Variants in CDKL4 observed in about 807,000 individuals in gnomAD.
The protein encoded by CDKL4 is cyclin-dependent kinase-like 4.
A neutral mutation model predicts 42.0 loss-of-function variants in CDKL4; 44 were observed. The observed-to-expected ratio is 1.05, with a 90% CI of 0.82 to 1.35. The LOEUF is 1.35. Ranked by LOEUF, CDKL4 falls within the 40% of genes most tolerant of loss-of-function variation. The probability of loss-of-function intolerance (pLI) is 0.00; values close to 1 mark genes in which losing one functional copy is unlikely to be tolerated. For synonymous variants in CDKL4, 120 were observed against 121.6 expected (o/e 0.99, Z 0.09); for missense variants, 393 against 369.9 (o/e 1.06, Z -0.51).
exon 2 of CDKL4, chr2:39,229,557 TG>T (rs1678969810): frequency 3.2e-6 from 5 of 1,574,684 alleles, no homozygotes; most frequent in Non-Finnish European, 4.3e-6. Context: ...CTTAAATTAT[TG>T]TATCGATTGA....
At chr2:39,247,028 C>A (rs1679940941), upstream of CDKL4, among the ~76,000 whole-genome samples, 1 of 152,200 alleles carries the variant, frequency 6.6e-6, no homozygotes. Context: ...GAGATTTGAG[C>A]CATCACACTG....
intron 1 of CDKL4, among the ~76,000 whole-genome samples, chr2:39,233,689 T>C (rs953678059): frequency 8.0e-5 from 12 of 150,610 alleles, no homozygotes; most frequent in African/African-American, 2.9e-4. Flanking sequence ...AAAAAAGAAA[T>C]GAGAACCCAA....
chr2:39,182,431 T>C (rs760325394), intron 8 of CDKL4, among the ~76,000 whole-genome samples: 6 of 152,240 alleles, frequency 3.9e-5, no homozygotes, highest in Non-Finnish European at 8.8e-5. Context: ...GAGTCTGAGC[T>C]GGAACAATGT....
the CDKL4 span, among the ~76,000 whole-genome samples, chr2:39,169,048 C>A: frequency 6.6e-6 from 1 of 152,102 alleles, no homozygotes; most frequent in Non-Finnish European, 1.5e-5. Context: ...AGCCACTGTG[C>A]CAGGCTTGAG....
At chr2:39,182,483 G>A (rs1675494244) in intron 8 of CDKL4, among the ~76,000 whole-genome samples, 1 of 152,180 alleles carries the variant, frequency 6.6e-6, no homozygotes, top group Non-Finnish European at 1.5e-5. Context: ...GAGTAGAATT[G>A]AGGCTTCTGA....
At chr2:39,218,704 G>A (rs1034080351) in intron 3 of CDKL4, among the ~76,000 whole-genome samples, 1 of 152,128 alleles carries the variant, frequency 6.6e-6, no homozygotes, top group East Asian at 1.9e-4. Context: ...GAGCTGGGAC[G>A]TCCATCTTCT....
intron 1 of CDKL4, among the ~76,000 whole-genome samples, chr2:39,240,450 C>T (rs1679604529): frequency 6.8e-6 from 1 of 147,732 alleles, no homozygotes; most frequent in Non-Finnish European, 1.5e-5. Flanking sequence ...TAACCATAAA[C>T]AGCAATTTCA....
intron 8 of CDKL4, 116 bp downstream of exon 8, chr2:39,184,475 T>G: frequency 7.7e-6 from 5 of 645,600 alleles, no homozygotes; most frequent in Non-Finnish European, 1.3e-5. Context: ...TTTATCATTT[T>G]CAATGACTAC....
chr2:39,215,122 A>G (rs1283619429), intron 3 of CDKL4, among the ~76,000 whole-genome samples: 2 of 152,130 alleles, frequency 1.3e-5, no homozygotes, highest in Admixed American at 1.3e-4. Context: ...CTGTGCATCA[A>G]AGTCCCTGTC....
intron 5 of CDKL4, among the ~76,000 whole-genome samples, chr2:39,202,818 C>A (rs1427468142): frequency 6.6e-6 from 1 of 152,052 alleles, no homozygotes; most frequent in African/African-American, 2.4e-5. Flanking sequence ...ATAATGGGAC[C>A]CCCTCCTTTG....
intron 1 of CDKL4, 145 bp from the exon 2 acceptor site, chr2:39,229,733 GTTAGT>G (rs1314516525): frequency 4.3e-5 from 19 of 446,622 alleles, no homozygotes; most frequent in Non-Finnish European, 7.0e-5. Flanking sequence ...ATATTATTTT[GTTAGT>G]TTAGTTTAGT....
At chr2:39,171,505 G>C (rs1463025790), downstream of CDKL4, among the ~76,000 whole-genome samples, 1 of 152,182 alleles carries the variant, frequency 6.6e-6, no homozygotes, top group Non-Finnish European at 1.5e-5. Flanking sequence ...AAAGGGCTTT[G>C]TGGTTGGGGC....
chr2:39,240,890 G>A (rs1679627553), intron 1 of CDKL4, among the ~76,000 whole-genome samples: 1 of 152,080 alleles, frequency 6.6e-6, no homozygotes, highest in Non-Finnish European at 1.5e-5. Context: ...CAATAGACAT[G>A]GCCAAACTGA....
exon 6 of CDKL4, chr2:39,190,352 G>T: frequency 6.2e-7 from 1 of 1,614,040 alleles, no homozygotes; most frequent in Non-Finnish European, 8.5e-7. Context: ...TGATTTTCCA[G>T]GCCACAGTGG....
At chr2:39,203,902 C>T (rs1013741911) in intron 5 of CDKL4, among the ~76,000 whole-genome samples, 3 of 152,290 alleles carry the variant, frequency 2.0e-5, no homozygotes, top group Admixed American at 6.5e-5. Context: ...CCAAATCACT[C>T]GTGTTTGGGT....
intron 6 of CDKL4, among the ~76,000 whole-genome samples, chr2:39,189,781 C>T (rs1676066114): frequency 6.6e-6 from 1 of 152,218 alleles, no homozygotes; most frequent in Non-Finnish European, 1.5e-5. Context: ...CAGCTATGCT[C>T]ATTTGTTGAC....
intron 9 of CDKL4, 189 bp downstream of exon 9, chr2:39,178,998 A>G: frequency 2.1e-6 from 3 of 1,444,902 alleles, no homozygotes; most frequent in Non-Finnish European, 2.7e-6. Context: ...TTTTTGCAAT[A>G]ATCTTGATAT....
intron 1 of CDKL4, among the ~76,000 whole-genome samples, chr2:39,236,894 T>G (rs1679404351): frequency 6.6e-6 from 1 of 152,152 alleles, no homozygotes; most frequent in Non-Finnish European, 1.5e-5. Flanking sequence ...AATCAGTAAT[T>G]AAAAATCTGC....
downstream of CDKL4, among the ~76,000 whole-genome samples, chr2:39,172,475 G>C (rs755348097): frequency 4.6e-5 from 7 of 152,322 alleles, no homozygotes; most frequent in Non-Finnish European, 1.0e-4. Flanking sequence ...AGGAGTTACA[G>C]CTTGAGACTG....
Sources: allele counts gnomAD v4.1 joint callset (sites outside exome capture counted in the v4.1 genomes callset), GRCh38; gene constraint gnomAD v4.1.1; transcripts MANE v1.5; gene names NCBI Gene and HGNC (gene_info 2026-07-23, HGNC 2026-07-21).